CTNNA2: variants seen among roughly 807,000 people sequenced by gnomAD.
The protein encoded by CTNNA2 is catenin alpha 2.
CTNNA2 carries 42 observed loss-of-function variants against 101.0 expected under a neutral mutation model. The ratio of observed to expected loss-of-function variants is 0.42; its 90% CI spans 0.32 to 0.54. The LOEUF is 0.54. CTNNA2 is among the 20% of genes least tolerant of loss of function. The probability of loss-of-function intolerance (pLI) is 0.14; values close to 1 mark genes in which losing one functional copy is unlikely to be tolerated. For synonymous variants in CTNNA2, 450 were observed against 456.4 expected (o/e 0.99, Z 0.18); for missense variants, 871 against 1,223.1 (o/e 0.71, Z 4.29).
At chr2:79,646,591 C>T (rs759817691) in intron 1 of CTNNA2, among the ~76,000 whole-genome samples, 1 of 142,056 alleles carries the variant, frequency 7.0e-6, no homozygotes, top group Non-Finnish European at 1.5e-5. Context: ...TGCAGTGGCA[C>T]AATCATGACT....
In CTNNA2 at chr2:79,982,243, TATGTATATGTACAC is replaced by T. The variant is rs1479595416; in HGVS notation, c.1056+72448_1056+72461del. ...ATATATATATATATATATATATATG[TATGTATATGTACAC>T]ACACACATAACATATATATAATATA... On this transcript the variant is annotated intron_variant, in intron 7 of 18. Coordinates refer to ENST00000402739, the MANE Select transcript of CTNNA2 (RefSeq NM_001282597.3). 1.4e-4 allele frequency among the ~76,000 whole-genome samples: 11 copies of T among 81,094 alleles called. 2 individuals carry two copies. The highest frequency in any genetic ancestry group is 8.3e-4 in the East Asian group (2 of 2,422). The allele number at this position is 81,094 out of a possible 152,430, so 53.2% of individuals were successfully genotyped here.
chr2:79,944,537 A>G (rs1270200517), intron 7 of CTNNA2, among the ~76,000 whole-genome samples: 1 of 152,218 alleles, frequency 6.6e-6, no homozygotes, highest in African/African-American at 2.4e-5. Flanking sequence ...GGGACTACAA[A>G]TACTGGGGCA....
chr2:79,876,100 C>A (rs544688650), intron 6 of CTNNA2, among the ~76,000 whole-genome samples: 2 of 152,222 alleles, frequency 1.3e-5, no homozygotes, highest in South Asian at 4.1e-4. Flanking sequence ...TAAATGATAT[C>A]ATGATCTTGA....
At chr2:80,328,877 A>G (rs1368663289) in intron 7 of CTNNA2, among the ~76,000 whole-genome samples, 2 of 152,194 alleles carry the variant, frequency 1.3e-5, no homozygotes, top group Non-Finnish European at 2.9e-5. Context: ...TACGGAATAT[A>G]AGTCATTTTC....
At chr2:80,428,532 G>T (rs1232334202) in intron 9 of CTNNA2, among the ~76,000 whole-genome samples, 4 of 152,128 alleles carry the variant, frequency 2.6e-5, no homozygotes, top group African/African-American at 9.7e-5. Flanking sequence ...AGTCTGGGAT[G>T]AATCCATATT....
chr2:80,057,365 C>T (rs910204367), intron 7 of CTNNA2, among the ~76,000 whole-genome samples: 5 of 152,076 alleles, frequency 3.3e-5, no homozygotes, highest in Admixed American at 2.0e-4. Context: ...CGGAACTAAC[C>T]TTCTGAAATA....
chr2:79,971,322 A>G (rs1056380293), intron 7 of CTNNA2, among the ~76,000 whole-genome samples: 5 of 152,194 alleles, frequency 3.3e-5, no homozygotes, highest in African/African-American at 9.6e-5. Flanking sequence ...ACATATTATC[A>G]TCACTATTAT....
chr2:79,792,525 A>C (rs897644951), intron 3 of CTNNA2, among the ~76,000 whole-genome samples: 1 of 152,020 alleles, frequency 6.6e-6, no homozygotes, highest in Non-Finnish European at 1.5e-5. Context: ...TTGTGTCTGG[A>C]TGTGTTCTTA....
At chr2:79,970,606 A>G (rs1048609084) in intron 7 of CTNNA2, among the ~76,000 whole-genome samples, 1 of 152,128 alleles carries the variant, frequency 6.6e-6, no homozygotes, top group Non-Finnish European at 1.5e-5. Context: ...CACAGCATCT[A>G]TGTTAAGTAT....
intron 7 of CTNNA2, among the ~76,000 whole-genome samples, chr2:80,035,227 A>G (rs1011728900): frequency 2.7e-4 from 41 of 152,196 alleles, no homozygotes; most frequent in African/African-American, 8.9e-4. Flanking sequence ...GAAAATAGTA[A>G]CATATGTTCA....
At chr2:79,468,733 A>G (rs1475127982) in intron 4 of CTNNA2, among the ~76,000 whole-genome samples, 1 of 152,196 alleles carries the variant, frequency 6.6e-6, no homozygotes, top group Non-Finnish European at 1.5e-5. Context: ...ACGCACTCAA[A>G]ACCACTCAAC....
At chr2:80,189,462 C>G (rs1452609625) in intron 7 of CTNNA2, among the ~76,000 whole-genome samples, 1 of 152,176 alleles carries the variant, frequency 6.6e-6, no homozygotes, top group Non-Finnish European at 1.5e-5. Flanking sequence ...ATCTTGTATC[C>G]CATTCTTCCC....
At chr2:80,312,429 G>T (rs947249944) in intron 7 of CTNNA2, among the ~76,000 whole-genome samples, 1 of 152,230 alleles carries the variant, frequency 6.6e-6, no homozygotes, top group African/African-American at 2.4e-5. Flanking sequence ...GTGACCAAGG[G>T]TGACTCAGGT....
chr2:80,116,915 G>GTGTGTA (rs1180249207), intron 7 of CTNNA2, among the ~76,000 whole-genome samples: 1 of 151,788 alleles, frequency 6.6e-6, no homozygotes, highest in African/African-American at 2.4e-5. Context: ...GTGTGTGTGT[G>GTGTGTA]TGTGTGTGTG....
At chr2:79,481,393 G>T (rs560932490) in intron 4 of CTNNA2, among the ~76,000 whole-genome samples, 2 of 152,044 alleles carry the variant, frequency 1.3e-5, no homozygotes, top group African/African-American at 2.4e-5. Flanking sequence ...CAATAATCTA[G>T]AACAGGTTTA....
intron 9 of CTNNA2, among the ~76,000 whole-genome samples, chr2:80,541,711 A>G (rs1017135059): frequency 2.0e-5 from 3 of 151,672 alleles, no homozygotes; most frequent in African/African-American, 4.8e-5. Flanking sequence ...GACAGAGTCC[A>G]GTTACAGCAC....
intron 8 of CTNNA2, among the ~76,000 whole-genome samples, chr2:80,404,076 G>C (rs190129926): frequency 5.2e-4 from 79 of 152,214 alleles, no homozygotes; most frequent in Non-Finnish European, 9.7e-4. Flanking sequence ...TTTTCTTTTT[G>C]TGTTGTTATC....
intron 3 of CTNNA2, among the ~76,000 whole-genome samples, chr2:79,317,667 C>A (rs755409401): frequency 2.0e-5 from 3 of 152,042 alleles, no homozygotes; most frequent in Non-Finnish European, 4.4e-5. Flanking sequence ...ATGAATATCC[C>A]TTATTTCATA....
chr2:79,690,947 C>T (rs1020599912), intron 2 of CTNNA2, among the ~76,000 whole-genome samples: 2 of 151,576 alleles, frequency 1.3e-5, no homozygotes, highest in Non-Finnish European at 2.9e-5. Context: ...ATTTATGTAC[C>T]CATTATGAAC....
Sources: allele counts gnomAD v4.1 joint callset (sites outside exome capture counted in the v4.1 genomes callset), GRCh38; gene constraint gnomAD v4.1.1; transcripts MANE v1.5; gene names NCBI Gene and HGNC (gene_info 2026-07-23, HGNC 2026-07-21).